Variants in FA2H observed in about 807,000 individuals in gnomAD.
The protein encoded by FA2H is fatty acid 2-hydroxylase, also known as fatty acid alpha-hydroxylase.
A neutral mutation model predicts 44.9 loss-of-function variants in FA2H; 22 were observed. The ratio of observed to expected loss-of-function variants is 0.49; its 90% CI spans 0.35 to 0.70. FA2H has a LOEUF of 0.70. Among genes scored for constraint, FA2H ranks in the 30% least tolerant of loss-of-function variants. The probability of loss-of-function intolerance (pLI) is 0.01; values close to 1 mark genes in which losing one functional copy is unlikely to be tolerated. For synonymous variants in FA2H, 243 were observed against 213.2 expected (o/e 1.14, Z -1.22); for missense variants, 501 against 504.9 (o/e 0.99, Z 0.07).
intron 1 of FA2H, among the ~76,000 whole-genome samples, chr16:74,751,766 C>G (rs968648033): frequency 2.0e-5 from 3 of 152,158 alleles, no homozygotes; most frequent in Non-Finnish European, 4.4e-5. Context: ...GGACACAGCT[C>G]TAGACCAGTG....
chr16:74,758,428 TTC>T (rs1397810670), intron 1 of FA2H, among the ~76,000 whole-genome samples: 1 of 151,718 alleles, frequency 6.6e-6, no homozygotes, highest in Non-Finnish European at 1.5e-5. Context: ...CTGGAAACAA[TTC>T]TTTTTTGCAC....
Position 74,726,289 on chromosome 16 carries a change from G to A in FA2H, c.549C>T (p.Leu183=), listed in dbSNP as rs767690383. 21 of 1,614,102 alleles carry A rather than the reference G, an allele frequency of 1.3e-5. No individual in the cohort carries two copies. The highest frequency in any genetic ancestry group is 1.7e-5 in the Non-Finnish European group (20 of 1,179,996). ...PIIWVPLVLY[L]SWSYYRTFAQ... is the part of the protein sequence containing the mutation. ...CAAAGGTTCGGTAGTAGGACCAGCT[G>A]AGATACAGCACCAGGGGCACCCAGA... The change falls in exon 4 of 7, where the codon CTC becomes CTT. Residue 183 remains leucine, a synonymous_variant. Coordinates refer to ENST00000219368, the MANE Select transcript of FA2H (RefSeq NM_024306.5).
intron 1 of FA2H, among the ~76,000 whole-genome samples, chr16:74,750,665 T>G (rs960652652): frequency 2.0e-5 from 3 of 152,132 alleles, no homozygotes; most frequent in African/African-American, 7.2e-5. Flanking sequence ...TTAAGGATGT[T>G]TATGCTTAGA....
At position 74,719,177 on chromosome 16, in the gene FA2H, A is replaced by G. The variant is rs1425050680; in HGVS notation, c.614-17T>C. Reference sequence around the variant, plus strand: ...CCGTGTACTCTGCAGGGTGGCAGGGAGAGCGAGGTGAGGACCGGTGCATAG... The same window carrying G: ...CCGTGTACTCTGCAGGGTGGCAGGGGGAGCGAGGTGAGGACCGGTGCATAG... On this transcript the variant is annotated splice_polypyrimidine_tract_variant and intron_variant, in intron 4 of 6. Transcript: ENST00000219368. 6.2e-7 allele frequency: 1 copy of G among 1,610,878 alleles called. No individual in the cohort carries two copies. Among genetic ancestry groups the G allele is most frequent in the South Asian group, 1.1e-5 (1 of 91,056 alleles).
intron 1 of FA2H, among the ~76,000 whole-genome samples, chr16:74,750,557 A>G (rs1017402220): frequency 2.0e-5 from 3 of 152,164 alleles, no homozygotes; most frequent in Admixed American, 2.0e-4. Flanking sequence ...AAGAGCAGCA[A>G]CAACAACAAC....
At chr16:74,716,067 G>A (rs546656399) in intron 6 of FA2H, among the ~76,000 whole-genome samples, 60 of 152,090 alleles carry the variant, frequency 3.9e-4, no homozygotes, top group Admixed American at 6.6e-4. Context: ...TACCTGCCTC[G>A]GCTTCCCAAT....
At chr16:74,726,137 T>G in intron 4 of FA2H, 88 bp downstream of exon 4, 1 of 869,140 alleles carries the variant, frequency 1.2e-6, no homozygotes, top group South Asian at 1.4e-5. Context: ...TGGGGTTCTG[T>G]GCTCTCAGAA....
intron 1 of FA2H, among the ~76,000 whole-genome samples, chr16:74,764,751 A>G (rs903427957): frequency 5.6e-4 from 85 of 152,214 alleles, no homozygotes; most frequent in African/African-American, 1.8e-3. Flanking sequence ...AATAGGAGCA[A>G]TTAGAGAAGA....
intron 1 of FA2H, among the ~76,000 whole-genome samples, chr16:74,746,950 G>T (rs531864149): frequency 1.6e-4 from 25 of 152,266 alleles, no homozygotes; most frequent in Middle Eastern, 3.4e-3. Flanking sequence ...AGGAAGCAGC[G>T]GGTCAGGGAG....
chr16:74,773,068 G>A (rs1400170567), intron 1 of FA2H, among the ~76,000 whole-genome samples: 1 of 152,012 alleles, frequency 6.6e-6, no homozygotes, highest in Non-Finnish European at 1.5e-5. Context: ...TAGACACAAG[G>A]TCTCCCTATG....
At chr16:74,757,526 G>T (rs11149765) in intron 1 of FA2H, among the ~76,000 whole-genome samples, 2 of 151,980 alleles carry the variant, frequency 1.3e-5, no homozygotes, top group East Asian at 1.9e-4. Context: ...ATATGCAAAG[G>T]GATTGTGTAA....
chr16:74,763,900 T>A (rs913190349), intron 1 of FA2H, among the ~76,000 whole-genome samples: 1 of 152,196 alleles, frequency 6.6e-6, no homozygotes, highest in African/African-American at 2.4e-5. Context: ...TTAAAGCAAA[T>A]CCCACCACCT....
At chr16:74,750,790 T>TG (rs1555540831) in intron 1 of FA2H, among the ~76,000 whole-genome samples, 9 of 151,484 alleles carry the variant, frequency 5.9e-5, no homozygotes, top group South Asian at 2.1e-4. Flanking sequence ...TGTGTGTGTG[T>TG]TTAAGAGACA....
intron 1 of FA2H, 115 bp downstream of exon 1, chr16:74,774,371 G>A: frequency 1.0e-6 from 1 of 1,002,828 alleles, no homozygotes; most frequent in Non-Finnish European, 1.4e-6. Flanking sequence ...CGAGGGAAGG[G>A]AGGGCAGAAG....
chr16:74,737,258 A>T (rs931969248), intron 2 of FA2H, among the ~76,000 whole-genome samples: 1 of 152,158 alleles, frequency 6.6e-6, no homozygotes, highest in African/African-American at 2.4e-5. Context: ...CCAGGAGCTG[A>T]GAGTGGTGGG....
intron 1 of FA2H, among the ~76,000 whole-genome samples, chr16:74,747,059 C>T (rs1317745362): frequency 6.6e-6 from 1 of 152,030 alleles, no homozygotes; most frequent in Non-Finnish European, 1.5e-5. Flanking sequence ...GCCTGTTATC[C>T]CAGCACTTTG....
intron 1 of FA2H, among the ~76,000 whole-genome samples, chr16:74,764,973 C>A (rs1456488872): frequency 2.6e-5 from 4 of 152,058 alleles, no homozygotes; most frequent in Non-Finnish European, 2.9e-5. Context: ...TCACTTCTAA[C>A]CCCTGAAGGA....
intron 2 of FA2H, among the ~76,000 whole-genome samples, chr16:74,730,600 A>C (rs1470893884): frequency 2.6e-5 from 4 of 152,164 alleles, no homozygotes; most frequent in Non-Finnish European, 5.9e-5. Flanking sequence ...ATCAGGAAAA[A>C]GAACTGGAGG....
rs1961636870 is a variant in FA2H at position 74,714,131 on chromosome 16, G to C, written c.*59C>G. 4 of 1,047,834 alleles carry C rather than the reference G, an allele frequency of 3.8e-6. No homozygotes were observed. The highest frequency in any genetic ancestry group is 4.3e-6 in the Non-Finnish European group (3 of 691,882). 64.9% of individuals were successfully genotyped at this position (1,047,834 alleles called of 1,614,324 possible). ...CTTCTTAATGGGGTCTGAATGGCGG[G>C]TGGGGGTCGGGAAGGGGCCAGGGCC... On this transcript the variant is annotated 3_prime_UTR_variant, in exon 7 of 7. Transcript: ENST00000219368.
Sources: allele counts gnomAD v4.1 joint callset (sites outside exome capture counted in the v4.1 genomes callset), GRCh38; gene constraint gnomAD v4.1.1; transcripts MANE v1.5; gene names NCBI Gene and HGNC (gene_info 2026-07-23, HGNC 2026-07-21).